CSNK1G1: variants seen among roughly 807,000 people sequenced by gnomAD.
CSNK1G1 encodes casein kinase I isoform gamma-1.
CSNK1G1 carries 22 observed loss-of-function variants against 59.6 expected under a neutral mutation model. That is an observed-to-expected ratio of 0.37 (90% CI 0.26 to 0.53). The LOEUF (loss-of-function observed/expected upper bound fraction) is 0.53, where lower values mean the gene tolerates loss of function less well. Ranked by LOEUF, CSNK1G1 falls within the 20% of genes least tolerant of loss-of-function variation. The probability of loss-of-function intolerance (pLI) is 0.89; values close to 1 mark genes in which losing one functional copy is unlikely to be tolerated. For missense variants in CSNK1G1, 384 were observed against 519.5 expected, an observed-to-expected ratio of 0.74 and a Z score of 2.54; for synonymous variants, 179 against 177.1, an observed-to-expected ratio of 1.01 and a Z score of -0.08.
chr15:64,233,105 G>A (rs1165883356), intron 4 of CSNK1G1, among the ~76,000 whole-genome samples: 1 of 152,066 alleles, frequency 6.6e-6, no homozygotes, highest in Non-Finnish European at 1.5e-5. Flanking sequence ...CCCTTTAAAA[G>A]AAAACAAAAT....
In CSNK1G1 at chr15:64,216,287, G is replaced by A. The variant is rs1456657329; in HGVS notation, c.444+275C>T. 6.6e-6 allele frequency among the ~76,000 whole-genome samples: 1 copy of A among 151,962 alleles called. No homozygotes were observed. Among genetic ancestry groups the A allele is most frequent in the Non-Finnish European group, 1.5e-5 (1 of 67,984 alleles). ...CACATTTTTACAACTCCATCTAATC[G>A]ACCTCTTTCTCCCTAATCTAAATTA... is the stretch of plus-strand genomic sequence containing the variant. On this transcript the variant is annotated intron_variant, in intron 5 of 11. Coordinates refer to ENST00000303052, the MANE Select transcript of CSNK1G1 (RefSeq NM_022048.5). This position sits in a 1 kb window ranked among gnomAD's most constrained non-coding sequence, Gnocchi z 4.6.
intron 1 of CSNK1G1, among the ~76,000 whole-genome samples, chr15:64,334,958 C>T (rs1468687401): frequency 1.3e-5 from 2 of 152,178 alleles, no homozygotes; most frequent in Non-Finnish European, 2.9e-5. Flanking sequence ...TTAGAGTAAG[C>T]TTAGAGACCA....
At position 64,171,668 on chromosome 15, in the gene CSNK1G1, T is replaced by G; in HGVS notation, c.*263A>C. The G allele has an allele frequency of 3.8e-6, 2 of 526,934 alleles. No homozygotes were observed. Among genetic ancestry groups the G allele is most frequent in the East Asian group, 6.2e-5 (2 of 32,022 alleles). 32.6% of individuals were successfully genotyped at this position (526,934 alleles called of 1,614,324 possible). ...TCACTGTAAACAATGGGAAGGAGAGTCAACCAGGCAGCCCTATGGGCAAGC... is the reference window on the plus strand; with the variant it reads ...TCACTGTAAACAATGGGAAGGAGAGGCAACCAGGCAGCCCTATGGGCAAGC... On this transcript the variant is annotated 3_prime_UTR_variant, in exon 12 of 12. Coordinates refer to ENST00000303052, the MANE Select transcript of CSNK1G1 (RefSeq NM_022048.5). The surrounding 1 kb of genome is among the most constrained non-coding windows in gnomAD (Gnocchi z 4.8).
At position 64,203,075 on chromosome 15, in the gene CSNK1G1, C is replaced by T. The variant is rs2082129122; in HGVS notation, c.1107+7G>A. 2 of 1,604,920 alleles carry T rather than the reference C, an allele frequency of 1.2e-6. No homozygotes were observed. The highest frequency in any genetic ancestry group is 2.2e-5 in the South Asian group (2 of 90,888). On this transcript the variant is annotated splice_region_variant and intron_variant, in intron 10 of 11. Coordinates refer to ENST00000303052, the MANE Select transcript of CSNK1G1 (RefSeq NM_022048.5). ...AGTGTCTGAAAGAATGGAGGATCAACACATACCTGATTTCGAAGAGGCTGC... is the reference window on the plus strand; with the variant it reads ...AGTGTCTGAAAGAATGGAGGATCAATACATACCTGATTTCGAAGAGGCTGC...
chr15:64,165,653 C>G lies in CSNK1G1; in HGVS notation c.*6278G>C, dbSNP rs922209908. On this transcript the variant is annotated 3_prime_UTR_variant, in exon 12 of 12. Transcript: ENST00000303052. ...AGTCTTGAATCGCATCAAAGTTAGTCCTAGCTAGATTGTTAATTACAAATG... is the reference window on the plus strand; with the variant it reads ...AGTCTTGAATCGCATCAAAGTTAGTGCTAGCTAGATTGTTAATTACAAATG... The G allele has an allele frequency of 5.6e-6, 1 of 177,526 alleles. No homozygotes were observed. The highest frequency in any genetic ancestry group is 2.4e-5 in the African/African-American group (1 of 42,396). 11.0% of individuals were successfully genotyped at this position (177,526 alleles called of 1,614,324 possible). A position where few individuals can be genotyped will look rare whatever the true frequency, so the allele number is the denominator to read the frequency against.
intron 2 of CSNK1G1, among the ~76,000 whole-genome samples, chr15:64,290,000 G>C (rs1473826574): frequency 6.6e-6 from 1 of 151,922 alleles, no homozygotes; most frequent in Non-Finnish European, 1.5e-5. Context: ...TGTTTTGTTG[G>C]TTTTTCCAAT....
chr15:64,175,815 GC>G, intron 11 of CSNK1G1, among the ~76,000 whole-genome samples: 1 of 152,190 alleles, frequency 6.6e-6, no homozygotes, highest in Non-Finnish European at 1.5e-5. Context: ...TCCCAAAGCA[GC>G]CAATTTCCAG....
intron 1 of CSNK1G1, among the ~76,000 whole-genome samples, chr15:64,302,931 T>C (rs982901625): frequency 9.8e-5 from 15 of 152,352 alleles, no homozygotes; most frequent in South Asian, 2.1e-4. Flanking sequence ...ATGGATGTTA[T>C]TTTTATAATA....
At chr15:64,318,693 C>T (rs1896400594) in intron 1 of CSNK1G1, among the ~76,000 whole-genome samples, 1 of 151,788 alleles carries the variant, frequency 6.6e-6, no homozygotes, top group East Asian at 1.9e-4. Context: ...TCACTGCAAC[C>T]TCCGCCTCCC....
chr15:64,302,034 T>TA (rs1895374017), intron 1 of CSNK1G1, among the ~76,000 whole-genome samples: 1 of 152,218 alleles, frequency 6.6e-6, no homozygotes, highest in Non-Finnish European at 1.5e-5. Flanking sequence ...AAGTAACAGG[T>TA]AAAAAGCTGT....
At chr15:64,270,895 GTTGT>G (rs1171487398) in intron 2 of CSNK1G1, among the ~76,000 whole-genome samples, 3 of 152,142 alleles carry the variant, frequency 2.0e-5, no homozygotes, top group African/African-American at 7.2e-5. Context: ...TCAGGAGTAG[GTTGT>G]TTAATTTCCA....
intron 1 of CSNK1G1, among the ~76,000 whole-genome samples, chr15:64,337,633 G>GT (rs535761298): frequency 1.6e-4 from 24 of 152,156 alleles, no homozygotes; most frequent in Non-Finnish European, 2.1e-4. Context: ...ACCTGGCTTT[G>GT]TTTTTTACTG....
At chr15:64,261,858 G>A (rs755218362) in intron 2 of CSNK1G1, among the ~76,000 whole-genome samples, 2 of 148,024 alleles carry the variant, frequency 1.4e-5, no homozygotes, top group South Asian at 4.2e-4. Context: ...CAGGAGAATC[G>A]CTTGACCTGG....
intron 4 of CSNK1G1, among the ~76,000 whole-genome samples, chr15:64,219,560 G>A (rs1392267875): frequency 3.3e-5 from 5 of 152,018 alleles, no homozygotes; most frequent in Admixed American, 2.0e-4. Context: ...CTGGGACCAA[G>A]CAATCCTCCT....
At chr15:64,221,011 A>G (rs2082381921) in intron 4 of CSNK1G1, among the ~76,000 whole-genome samples, 2 of 152,372 alleles carry the variant, frequency 1.3e-5, no homozygotes, top group Admixed American at 1.3e-4. Flanking sequence ...GCTGTGGAGT[A>G]ACCATGCTAA....
At position 64,349,697 on chromosome 15, in the gene CSNK1G1, G is replaced by C. The variant is rs541912892; in HGVS notation, c.-225+6291C>G. 3.9e-5 allele frequency among the ~76,000 whole-genome samples: 6 copies of C among 152,184 alleles called. No individual in the cohort carries two copies. The East Asian group carries it at 1.2e-3, about 29-fold the overall frequency. On this transcript the variant is annotated intron_variant, in intron 1 of 11. Transcript: ENST00000303052. ...TTCTCTGAGATGACTGAGTCTTTCT[G>C]GTCCGCTAAGTTAAGGTTATAACCT... is the stretch of plus-strand genomic sequence containing the variant.
chr15:64,269,825 A>G (rs765093250), intron 2 of CSNK1G1, among the ~76,000 whole-genome samples: 3 of 150,260 alleles, frequency 2.0e-5, no homozygotes, highest in Non-Finnish European at 3.0e-5. Context: ...TATTTTTGAC[A>G]TGGAGTCTCA....
rs2081607358 is a variant in CSNK1G1, at chr15:64,166,746, G to A, written c.*5185C>T. 6.6e-6 allele frequency: 1 copy of A among 152,628 alleles called. No individual in the cohort carries two copies. The highest frequency in any genetic ancestry group is 1.5e-5 in the Non-Finnish European group (1 of 68,060). The allele number at this position is 152,628 out of a possible 1,614,324, so 9.5% of individuals were successfully genotyped here. On this transcript the variant is annotated 3_prime_UTR_variant, in exon 12 of 12. Coordinates refer to ENST00000303052, the MANE Select transcript of CSNK1G1 (RefSeq NM_022048.5). The surrounding 1 kb of genome is among the most constrained non-coding windows in gnomAD (Gnocchi z 4.5). ...GAACTGAAAATGTCTCACCTGTACT[G>A]AAAGAGGGGTGGGTGGGGACATTCA... is the stretch of plus-strand genomic sequence containing the variant.
intron 10 of CSNK1G1, among the ~76,000 whole-genome samples, chr15:64,199,267 A>AAAAAAAG (rs1555499395): frequency 1.6e-4 from 24 of 146,780 alleles, no homozygotes; most frequent in African/African-American, 5.9e-4. Flanking sequence ...AAAAAAAAAA[A>AAAAAAAG]AAAAAGAAAA....
Sources: gnomAD v4.1 joint callset for allele counts (sites outside exome capture counted in the v4.1 genomes callset) on GRCh38, gnomAD v4.1.1 for gene constraint, Gnocchi (gnomAD v3.1) non-coding constraint, MANE v1.5 for transcripts, NCBI Gene and HGNC (gene_info 2026-07-23, HGNC 2026-07-21) for gene names.